NAALADL2: variants seen among roughly 807,000 people sequenced by gnomAD.
The protein encoded by NAALADL2 is N-acetylated alpha-linked acidic dipeptidase like 2, also known as inactive N-acetylated-alpha-linked acidic dipeptidase-like protein 2.
Under a neutral mutation model 87.2 loss-of-function variants are expected in NAALADL2, and 76 were observed. The observed-to-expected ratio is 0.87, with a 90% CI of 0.72 to 1.05. The LOEUF (loss-of-function observed/expected upper bound fraction) is 1.05, where lower values mean the gene tolerates loss of function less well. Among genes scored for constraint, NAALADL2 ranks in the 50% least tolerant of loss-of-function variants. The pLI, the probability that NAALADL2 is intolerant of heterozygous loss-of-function variation, is 0.00. For missense variants in NAALADL2, 1,089 were observed against 945.8 expected (o/e 1.15, Z -1.99); for synonymous variants, 354 against 331.0 (o/e 1.07, Z -0.75).
chr3:174,692,751 C>T (rs940712202), intron 2 of NAALADL2, among the ~76,000 whole-genome samples: 2 of 151,934 alleles, frequency 1.3e-5, no homozygotes, highest in African/African-American at 4.8e-5. Flanking sequence ...AAACCAATAA[C>T]AAACTTGGCT....
chr3:175,029,298 T>C (rs1368649596), intron 1 of NAALADL2, among the ~76,000 whole-genome samples: 1 of 152,040 alleles, frequency 6.6e-6, no homozygotes, highest in East Asian at 1.9e-4. Flanking sequence ...TTACGTTCAT[T>C]CAGGTAGAGC....
At chr3:174,938,982 T>C (rs998731675) in intron 1 of NAALADL2, among the ~76,000 whole-genome samples, 4 of 152,110 alleles carry the variant, frequency 2.6e-5, no homozygotes, top group Non-Finnish European at 4.4e-5. Flanking sequence ...GTCTGTGTAC[T>C]CTTTTGCTGT....
chr3:174,489,054 C>T (rs1355111116), intron 1 of NAALADL2, among the ~76,000 whole-genome samples: 1 of 152,050 alleles, frequency 6.6e-6, no homozygotes, highest in Admixed American at 6.6e-5. Context: ...TGTATCTGTA[C>T]TCTGGATATT....
intron 11 of NAALADL2, among the ~76,000 whole-genome samples, chr3:175,723,766 T>TA (rs149649518): frequency 6.6e-6 from 1 of 152,046 alleles, no homozygotes; most frequent in African/African-American, 2.4e-5. Flanking sequence ...TTTTCTCCTT[T>TA]AAAAAAATCC....
intron 1 of NAALADL2, among the ~76,000 whole-genome samples, chr3:174,513,023 G>A (rs927418559): frequency 6.6e-6 from 1 of 151,122 alleles, no homozygotes; most frequent in Non-Finnish European, 1.5e-5. Flanking sequence ...GTGCAATGGC[G>A]TGATCTTGGC....
At chr3:175,338,928 G>A (rs1762306280) in intron 5 of NAALADL2, among the ~76,000 whole-genome samples, 1 of 152,194 alleles carries the variant, frequency 6.6e-6, no homozygotes, top group South Asian at 2.1e-4. Flanking sequence ...ACAGAAGGGA[G>A]GGAAGGCAGC....
chr3:174,778,501 A>T (rs912975436), intron 3 of NAALADL2, among the ~76,000 whole-genome samples: 1 of 151,640 alleles, frequency 6.6e-6, no homozygotes, highest in Non-Finnish European at 1.5e-5. Context: ...TGTTTATTAC[A>T]CTTTAAGTTC....
At chr3:175,587,162 T>G (rs919560510) in intron 10 of NAALADL2, among the ~76,000 whole-genome samples, 1 of 152,216 alleles carries the variant, frequency 6.6e-6, no homozygotes. Flanking sequence ...ATCCCAAATA[T>G]TTTTATTCAT....
intron 5 of NAALADL2, among the ~76,000 whole-genome samples, chr3:175,388,501 T>C (rs762535879): frequency 5.9e-5 from 9 of 152,080 alleles, no homozygotes; most frequent in Non-Finnish European, 1.2e-4. Flanking sequence ...CTTACAAATA[T>C]TTCAGAGGAT....
chr3:174,604,451 G>T (rs1266744385), intron 2 of NAALADL2, among the ~76,000 whole-genome samples: 1 of 152,004 alleles, frequency 6.6e-6, no homozygotes, highest in Admixed American at 6.6e-5. Flanking sequence ...GTCTATATGT[G>T]TCCTCATAGG....
intron 11 of NAALADL2, among the ~76,000 whole-genome samples, chr3:175,719,906 G>A (rs1741986269): frequency 6.6e-6 from 1 of 152,160 alleles, no homozygotes; most frequent in African/African-American, 2.4e-5. Flanking sequence ...CTCCTCATGT[G>A]ATAGAAGAAG....
intron 1 of NAALADL2, among the ~76,000 whole-genome samples, chr3:174,938,321 C>G (rs1384019271): frequency 6.6e-6 from 1 of 152,040 alleles, no homozygotes; most frequent in Non-Finnish European, 1.5e-5. Flanking sequence ...ATAATAGCCT[C>G]CAGCTCTATC....
At chr3:174,993,881 G>T (rs959948095) in intron 1 of NAALADL2, among the ~76,000 whole-genome samples, 2 of 152,276 alleles carry the variant, frequency 1.3e-5, no homozygotes, top group South Asian at 2.1e-4. Flanking sequence ...TTAACTTGCA[G>T]TGTTACCTGC....
At chr3:174,641,089 C>T (rs1560110864) in intron 2 of NAALADL2, among the ~76,000 whole-genome samples, 2 of 152,152 alleles carry the variant, frequency 1.3e-5, no homozygotes, top group Non-Finnish European at 2.9e-5. Context: ...GGGAGATTGA[C>T]CTGGGCGGGC....
chr3:175,786,257 G>T (rs2150236039), intron 13 of NAALADL2, among the ~76,000 whole-genome samples: 1 of 152,060 alleles, frequency 6.6e-6, no homozygotes, highest in East Asian at 1.9e-4. Flanking sequence ...TGCCTTGCTA[G>T]ATTGGGGAAG....
chr3:174,652,267 AT>A (rs1724436372), intron 2 of NAALADL2, among the ~76,000 whole-genome samples: 1 of 152,206 alleles, frequency 6.6e-6, no homozygotes, highest in Non-Finnish European at 1.5e-5. Context: ...TTAGAAATCC[AT>A]GGCCATGACA....
intron 11 of NAALADL2, among the ~76,000 whole-genome samples, chr3:175,644,917 T>C (rs1729790600): frequency 6.6e-6 from 1 of 152,184 alleles, no homozygotes; most frequent in Admixed American, 6.5e-5. Context: ...GTTTTACAGT[T>C]GTTTAGTGCT....
chr3:175,384,808 T>C (rs1768178664), intron 5 of NAALADL2, among the ~76,000 whole-genome samples: 1 of 151,606 alleles, frequency 6.6e-6, no homozygotes, highest in Non-Finnish European at 1.5e-5. Context: ...ATTTATTTTA[T>C]TTTATTACCA....
At chr3:174,854,959 T>C (rs1302054836), upstream of NAALADL2, among the ~76,000 whole-genome samples, 4 of 148,832 alleles carry the variant, frequency 2.7e-5, no homozygotes, top group African/African-American at 9.9e-5. Context: ...TGCCTCAGCC[T>C]CCCAAGTAGC....
Sources: gnomAD v4.1 joint callset for allele counts (sites outside exome capture counted in the v4.1 genomes callset) on GRCh38, gnomAD v4.1.1 for gene constraint, MANE v1.5 for transcripts, NCBI Gene and HGNC (gene_info 2026-07-23, HGNC 2026-07-21) for gene names.